Variants in SPTLC3 observed in about 807,000 individuals in gnomAD.
The protein encoded by SPTLC3 is serine palmitoyltransferase 3.
SPTLC3 carries 36 observed loss-of-function variants against 59.3 expected under a neutral mutation model. That is an observed-to-expected ratio of 0.61 (90% confidence interval 0.47 to 0.80). SPTLC3 has a LOEUF of 0.80. SPTLC3 is among the 30% of genes least tolerant of loss of function. SPTLC3 has a pLI of 0.00. For synonymous variants in SPTLC3, 257 were observed against 240.8 expected, an observed-to-expected ratio of 1.07 and a Z score of -0.62; for missense variants, 625 against 685.1, an observed-to-expected ratio of 0.91 and a Z score of 0.98.
chr20:13,046,699 A>G (rs1987249072), intron 1 of SPTLC3, among the ~76,000 whole-genome samples: 1 of 152,178 alleles, frequency 6.6e-6, no homozygotes, highest in Non-Finnish European at 1.5e-5. Context: ...GGTTTGTACT[A>G]AAATAGCATA....
Position 13,026,117 on chromosome 20 carries a change from C to T in SPTLC3, c.117+16733C>T, listed in dbSNP as rs146392002. On this transcript the variant is annotated intron_variant, in intron 1 of 11. Coordinates refer to ENST00000399002, the MANE Select transcript of SPTLC3 (RefSeq NM_018327.4). ...TGTATGTGTAACACATTTTCTTTAT[C>T]CAGTTTGTCACTGATAAGGATTTAG... is the stretch of plus-strand genomic sequence containing the variant. Among the ~76,000 whole-genome samples, 444 of 152,240 alleles carry T rather than the reference C, an allele frequency of 2.9e-3. 4 individuals are homozygous for T. Among genetic ancestry groups the T allele is most frequent in the Non-Finnish European group, 4.6e-3 (314 of 68,016 alleles).
chr20:13,117,778 C>T (rs574882997), intron 8 of SPTLC3, 53 bp downstream of exon 8: 29 of 1,487,762 alleles, frequency 1.9e-5, no homozygotes, highest in Admixed American at 1.2e-4. Flanking sequence ...CTGGGGATGC[C>T]GTGTGTAGGG....
chr20:13,136,330 C>G (rs2038242230), intron 9 of SPTLC3, among the ~76,000 whole-genome samples: 3 of 152,114 alleles, frequency 2.0e-5, no homozygotes, highest in Admixed American at 2.0e-4. Flanking sequence ...GGTGTGGTGG[C>G]TCACACCTGT....
At chr20:13,022,793 TTCTC>T (rs1165131334) in intron 1 of SPTLC3, among the ~76,000 whole-genome samples, 1 of 152,144 alleles carries the variant, frequency 6.6e-6, no homozygotes, top group East Asian at 1.9e-4. Flanking sequence ...CCACTAGACT[TTCTC>T]TATACAGCAG....
intron 2 of SPTLC3, among the ~76,000 whole-genome samples, chr20:13,058,274 T>C (rs1987806623): frequency 6.6e-6 from 1 of 152,238 alleles, no homozygotes; most frequent in Non-Finnish European, 1.5e-5. Context: ...AACTTTCTTC[T>C]GAAGGATGAG....
chr20:13,053,366 G>A (rs564326183), intron 2 of SPTLC3, among the ~76,000 whole-genome samples: 15 of 152,062 alleles, frequency 9.9e-5, no homozygotes, highest in African/African-American at 1.2e-4. Context: ...CAAAAAGGAC[G>A]TCCACACAAA....
At chr20:13,063,512 T>A (rs1344932329) in intron 2 of SPTLC3, among the ~76,000 whole-genome samples, 1 of 152,018 alleles carries the variant, frequency 6.6e-6, no homozygotes, top group Non-Finnish European at 1.5e-5. Flanking sequence ...TTCCTACAGT[T>A]TCATTCAGAA....
At chr20:13,159,398 G>T (rs2038845406) in intron 10 of SPTLC3, among the ~76,000 whole-genome samples, 1 of 152,148 alleles carries the variant, frequency 6.6e-6, no homozygotes, top group Non-Finnish European at 1.5e-5. Flanking sequence ...ACAATCAGGA[G>T]ACCTTGCTAT....
intron 1 of SPTLC3, among the ~76,000 whole-genome samples, chr20:13,044,244 G>A (rs1254029138): frequency 6.6e-6 from 1 of 151,934 alleles, no homozygotes; most frequent in African/African-American, 2.4e-5. Flanking sequence ...GGGATTACAG[G>A]TGCCTGCCAC....
rs74181398 is a variant in SPTLC3 at position 13,038,045 on chromosome 20, A to AATATATATATATATAT, written c.118-10885_118-10884insTATATATATATATATA. Among the ~76,000 whole-genome samples, 224 of 139,576 alleles carry AATATATATATATATAT rather than the reference A, an allele frequency of 1.6e-3. 5 individuals are homozygous for AATATATATATATATAT. The highest frequency in any genetic ancestry group is 5.8e-3 in the African/African-American group (211 of 36,500). The allele number at this position is 139,576 out of a possible 152,430, so 91.6% of individuals were successfully genotyped here. ...GCTGGAAAATACAGAGAAAATCATG[A>AATATATATATATATAT]ATATATATATATATAATATATCTTC... On this transcript the variant is annotated intron_variant, in intron 1 of 11. Transcript: ENST00000399002.
intron 2 of SPTLC3, among the ~76,000 whole-genome samples, chr20:13,054,728 T>C (rs1987646239): frequency 6.6e-6 from 1 of 152,160 alleles, no homozygotes; most frequent in Non-Finnish European, 1.5e-5. Context: ...TTTGAAGAAC[T>C]GGCAGCTAAA....
At chr20:13,031,620 G>T (rs1194765174) in intron 1 of SPTLC3, among the ~76,000 whole-genome samples, 1 of 152,062 alleles carries the variant, frequency 6.6e-6, no homozygotes, top group Admixed American at 6.6e-5. Context: ...TTTGCACATG[G>T]TTTCTCTCCA....
At position 13,073,921 on chromosome 20, in the gene SPTLC3, T is replaced by A; in HGVS notation, c.459-428T>A. ...TTGGTTCCCAGAGATGCATTCTTCATCCTGGATCATCCAGGGAGGTGTGGC... is the reference window on the plus strand; with the variant it reads ...TTGGTTCCCAGAGATGCATTCTTCAACCTGGATCATCCAGGGAGGTGTGGC... On this transcript the variant is annotated intron_variant, in intron 3 of 11. Coordinates refer to ENST00000399002, the MANE Select transcript of SPTLC3 (RefSeq NM_018327.4). The A allele has an allele frequency of 5.3e-6, 3 of 570,216 alleles. No individual in the cohort carries two copies. The Admixed American group carries it at 5.9e-5, about 11-fold the overall frequency. 35.3% of individuals were successfully genotyped at this position (570,216 alleles called of 1,614,324 possible). A position where few individuals can be genotyped will look rare whatever the true frequency, so the allele number is the denominator to read the frequency against.
chr20:13,119,477 G>A (rs1990779810), intron 8 of SPTLC3, among the ~76,000 whole-genome samples: 1 of 152,184 alleles, frequency 6.6e-6, no homozygotes, highest in East Asian at 1.9e-4. Context: ...ATTTGGCATA[G>A]ATACTGAGCA....
At chr20:13,021,171 TAC>T (rs879305597) in intron 1 of SPTLC3, among the ~76,000 whole-genome samples, 10 of 152,188 alleles carry the variant, frequency 6.6e-5, no homozygotes, top group Admixed American at 1.3e-4. Context: ...TCCAGGGTAT[TAC>T]ACTCTTGATT....
chr20:13,121,756 A>C (rs6041879), intron 8 of SPTLC3, among the ~76,000 whole-genome samples: 115,141 of 151,998 alleles, frequency 0.76, 44,691 homozygotes, highest in African/African-American at 0.94. Flanking sequence ...ATTTTTTGAA[A>C]CACACAAGCA....
At chr20:13,100,539 G>A (rs1300318366) in intron 6 of SPTLC3, among the ~76,000 whole-genome samples, 2 of 152,052 alleles carry the variant, frequency 1.3e-5, no homozygotes, top group Non-Finnish European at 2.9e-5. Flanking sequence ...AGACCAGCCT[G>A]GGCAACATAG....
intron 4 of SPTLC3, among the ~76,000 whole-genome samples, chr20:13,081,706 C>T (rs891561858): frequency 6.6e-6 from 1 of 152,116 alleles, no homozygotes; most frequent in African/African-American, 2.4e-5. Flanking sequence ...ATTAAATTAG[C>T]AATGAACGTC....
intron 9 of SPTLC3, among the ~76,000 whole-genome samples, chr20:13,150,316 T>C (rs895756517): frequency 5.3e-5 from 8 of 152,218 alleles, no homozygotes; most frequent in African/African-American, 1.9e-4. Flanking sequence ...ATCAGCATGT[T>C]ATAAAATTCC....
Sources: gnomAD v4.1 joint callset for allele counts (sites outside exome capture counted in the v4.1 genomes callset) on GRCh38, gnomAD v4.1.1 for gene constraint, MANE v1.5 for transcripts, NCBI Gene and HGNC (gene_info 2026-07-23, HGNC 2026-07-21) for gene names.